The following TPD52L2 variants were observed in gnomAD, a reference collection of about 807,000 sequenced individuals.
The protein encoded by TPD52L2 is tumor protein D54.
Under a neutral mutation model 24.7 loss-of-function variants are expected in TPD52L2, and 19 were observed. That is an observed-to-expected ratio of 0.77 (90% CI 0.54 to 1.13). The LOEUF (loss-of-function observed/expected upper bound fraction) is 1.13, where lower values mean the gene tolerates loss of function less well. Ranked by LOEUF, TPD52L2 falls within the 50% of genes most tolerant of loss-of-function variation. TPD52L2 has a pLI of 0.00. For synonymous variants in TPD52L2, 104 were observed against 100.2 expected (o/e 1.04, Z -0.23); for missense variants, 236 against 250.4 (o/e 0.94, Z 0.39).
intron 4 of TPD52L2, among the ~76,000 whole-genome samples, chr20:63,882,118 C>T (rs1600823525): frequency 6.6e-6 from 1 of 152,218 alleles, no homozygotes; most frequent in African/African-American, 2.4e-5. Flanking sequence ...CACGGGGCCC[C>T]GCCGTCTGGA....
At chr20:63,874,803 G>A (rs1247536363) in intron 3 of TPD52L2, among the ~76,000 whole-genome samples, 1 of 152,092 alleles carries the variant, frequency 6.6e-6, no homozygotes, top group Non-Finnish European at 1.5e-5. Context: ...TTTTTCTGTG[G>A]TCCTTGTTGT....
At chr20:63,872,601 C>T (rs1382577928) in intron 2 of TPD52L2, among the ~76,000 whole-genome samples, 1 of 151,942 alleles carries the variant, frequency 6.6e-6, no homozygotes, top group Non-Finnish European at 1.5e-5. Context: ...TGGTCTCAAA[C>T]TCCTGACCTC....
At chr20:63,887,590 G>A (rs1301238573) in intron 5 of TPD52L2, 1 of 1,613,568 alleles carries the variant, frequency 6.2e-7, no homozygotes, top group Non-Finnish European at 8.5e-7. Context: ...CACTCAATAA[G>A]TATGCCAGCC....
At chr20:63,888,559 G>A (rs55869401) in intron 5 of TPD52L2, 1 of 135,178 alleles carries the variant, frequency 7.4e-6, no homozygotes. Context: ...AGAGCCCGGG[G>A]TATCCCTGTA....
At chr20:63,876,205 G>C (rs1454479424) in intron 4 of TPD52L2, among the ~76,000 whole-genome samples, 1 of 152,194 alleles carries the variant, frequency 6.6e-6, no homozygotes, top group Non-Finnish European at 1.5e-5. Context: ...GCACAAGCTG[G>C]ACAACACCAC....
chr20:63,873,733 CAAG>C lies in TPD52L2; in HGVS notation c.233_235del (p.Lys78del). 6.2e-7 allele frequency: 1 copy of C among 1,610,004 alleles called. No homozygotes were observed. Among genetic ancestry groups the C allele is most frequent in the Non-Finnish European group, 8.5e-7 (1 of 1,178,604 alleles). Reference sequence around the variant, plus strand: ...CCAAGGAGAGGCACTGTGGAGAGCTCAAGAGGAGGCTGGGCCTCTCCACCCTGG... The same window carrying C: ...CCAAGGAGAGGCACTGTGGAGAGCTCAGGAGGCTGGGCCTCTCCACCCTGG... On this transcript the variant is annotated inframe_deletion, in exon 3 of 7. Transcript: ENST00000346249.
Position 63,882,724 on chromosome 20 carries a change from A to G in TPD52L2, c.380A>G (p.Lys127Arg). ...TTAACTGGTGTGTCTTCCAGCTACA[A>G]GAAGACTCAGGAAACTCTTTCACAG... ...NEKVTQSDLY[K>R]KTQETLSQAG... is the part of the protein sequence containing the mutation. Residue 127 changes from lysine to arginine, a missense_variant, in exon 5 of 7, where the codon AAG becomes AGG. Coordinates refer to ENST00000346249, the MANE Select transcript of TPD52L2 (RefSeq NM_003288.4). 2 of 1,613,464 alleles carry G rather than the reference A, an allele frequency of 1.2e-6. No individual in the cohort carries two copies. The highest frequency in any genetic ancestry group is 1.7e-4 in the Middle Eastern group (1 of 6,060).
chr20:63,868,591 TGAGAG>T (rs1269098231), intron 1 of TPD52L2, among the ~76,000 whole-genome samples: 6 of 152,322 alleles, frequency 3.9e-5, no homozygotes, highest in African/African-American at 1.4e-4. Flanking sequence ...TCAGATGTGT[TGAGAG>T]GAAAGTGATG....
At chr20:63,889,701 G>A in intron 6 of TPD52L2, 149 bp from the exon 7 acceptor site, 3 of 708,408 alleles carry the variant, frequency 4.2e-6, no homozygotes, top group Middle Eastern at 2.6e-4. Context: ...TGTTGGGGCT[G>A]GTGCCCGTCC....
intron 2 of TPD52L2, among the ~76,000 whole-genome samples, chr20:63,871,920 T>C (rs6062328): frequency 0.09 from 13,696 of 151,954 alleles, 1,057 homozygotes; most frequent in East Asian, 0.25. Context: ...AGGCATGAGC[T>C]ATCGTACCCG....
intron 1 of TPD52L2, among the ~76,000 whole-genome samples, chr20:63,867,811 C>T (rs1244622161): frequency 1.4e-5 from 2 of 140,074 alleles, no homozygotes; most frequent in South Asian, 2.2e-4. Context: ...TTGAGACAGT[C>T]TCAAAAAAAA....
chr20:63,869,844 G>A (rs1301960428), intron 2 of TPD52L2, among the ~76,000 whole-genome samples: 1 of 152,154 alleles, frequency 6.6e-6, no homozygotes, highest in Non-Finnish European at 1.5e-5. Context: ...ATTTATTTTG[G>A]CTGGATGCAG....
chr20:63,888,922 G>A (rs529203973), intron 5 of TPD52L2: 12 of 546,884 alleles, frequency 2.2e-5, no homozygotes, highest in South Asian at 6.8e-5. Context: ...GAGAGGGGCC[G>A]ACATCTCCCC....
chr20:63,874,228 T>TTTTGTGTG (rs892015673), intron 3 of TPD52L2, among the ~76,000 whole-genome samples: 1 of 139,954 alleles, frequency 7.1e-6, no homozygotes, highest in Non-Finnish European at 1.5e-5. Context: ...ATTTTTTTTT[T>TTTTGTGTG]TGTGTGTGTG....
intron 3 of TPD52L2, 43 bp downstream of exon 3, chr20:63,873,859 C>A (rs557866594): frequency 2.1e-6 from 3 of 1,439,124 alleles, no homozygotes; most frequent in Non-Finnish European, 2.7e-6. Flanking sequence ...CTGAAGAGAA[C>A]GGGCACCACA....
In TPD52L2 at chr20:63,875,816, C is replaced by A; in HGVS notation, c.315C>A (p.Ala105=). ...TTCACTGTAGACTTTCTGTTTTTAG[C>A]TATGTGAAAACTTCTGAGAAACTTG... ...RSWHDVQVSS[A]YVKTSEKLGE... Residue 105 remains alanine (A), a splice_region_variant and synonymous_variant, in exon 4 of 7, where the codon GCC becomes GCA. Transcript: ENST00000346249. 2 of 1,613,968 alleles carry A rather than the reference C, an allele frequency of 1.2e-6. No homozygotes were observed. The highest frequency in any genetic ancestry group is 1.7e-6 in the Non-Finnish European group (2 of 1,179,878).
At chr20:63,880,781 C>T (rs2052863604) in intron 4 of TPD52L2, among the ~76,000 whole-genome samples, 1 of 151,636 alleles carries the variant, frequency 6.6e-6, no homozygotes, top group Non-Finnish European at 1.5e-5. Context: ...GTCCCAGCTA[C>T]TCGGGAGGCT....
rs79761489 is a variant in TPD52L2, at chr20:63,887,422, T to C, written c.477-1768T>C. On this transcript the variant is annotated intron_variant, in intron 5 of 6. Coordinates refer to ENST00000346249, the MANE Select transcript of TPD52L2 (RefSeq NM_003288.4). ...GGGGTCGAGTTTCCTTCGGGGGCAT[T>C]GTGTGGAGGGGCAGGCAGCTCGCTC... 3,015 of 941,676 alleles carry C rather than the reference T, an allele frequency of 3.2e-3. 29 individuals are homozygous for C. Among genetic ancestry groups the C allele is most frequent in the African/African-American group, 0.031 (1,901 of 62,322 alleles). The allele number at this position is 941,676 out of a possible 1,614,324, so 58.3% of individuals were successfully genotyped here.
intron 5 of TPD52L2, among the ~76,000 whole-genome samples, chr20:63,883,559 C>T (rs1428170033): frequency 4.6e-5 from 7 of 152,150 alleles, no homozygotes; most frequent in Admixed American, 4.6e-4. Context: ...AGGTTGTCAC[C>T]ATCAACAGCA....
Sources: allele counts gnomAD v4.1 joint callset (sites outside exome capture counted in the v4.1 genomes callset), GRCh38; gene constraint gnomAD v4.1.1; transcripts MANE v1.5; gene names NCBI Gene and HGNC (gene_info 2026-07-23, HGNC 2026-07-21).